GOLGA6B: variants seen among roughly 807,000 people sequenced by gnomAD.
The protein encoded by GOLGA6B is golgin subfamily A member 6B.
In GOLGA6B, 11 loss-of-function variants were observed where a neutral mutation model predicts 63.0. The observed-to-expected ratio is 0.17, with a 90% CI of 0.11 to 0.29. GOLGA6B has a LOEUF of 0.29. GOLGA6B is among the 10% of genes least tolerant of loss of function. The pLI, the probability that GOLGA6B is intolerant of heterozygous loss-of-function variation, is 1.00. For missense variants in GOLGA6B, 134 were observed against 563.8 expected (o/e 0.24, Z 7.72); for synonymous variants, 46 against 232.6 (o/e 0.20, Z 7.30).
Position 72,662,514 on chromosome 15 carries a change from G to T in GOLGA6B, c.1110G>T (p.Gln370His). 6.2e-6 allele frequency: 9 copies of T among 1,454,388 alleles called. No homozygotes were observed. The highest frequency in any genetic ancestry group is 8.5e-6 in the Non-Finnish European group (9 of 1,061,660). The allele number at this position is 1,454,388 out of a possible 1,614,324, so 90.1% of individuals were successfully genotyped here. ...LCEQNERLREQQKTLQEQGER... is the reference protein window; with the variant it reads ...LCEQNERLREHQKTLQEQGER... Reference sequence around the variant, plus strand: ...AACAAAACGAGAGGCTTCGGGAGCAGCAGAAGACGCTACAGGAGCAGGGTG... The same window carrying T: ...AACAAAACGAGAGGCTTCGGGAGCATCAGAAGACGCTACAGGAGCAGGGTG... The change falls in exon 11 of 18, where the codon CAG becomes CAT. Residue 370 changes from glutamine (Q) to histidine (H), a missense_variant. Gln to His is a conservative substitution (Grantham distance 24). Coordinates refer to ENST00000421285, the MANE Select transcript of GOLGA6B (RefSeq NM_018652.5).
chr15:72,664,833 C>A (rs1371411789), intron 13 of GOLGA6B, 111 bp from the exon 14 acceptor site: 15 of 459,838 alleles, frequency 3.3e-5, no homozygotes, highest in Non-Finnish European at 4.8e-5. Context: ...GCTCACTCCC[C>A]TCTGGGGAGA....
chr15:72,664,204 G>T (rs2064618778), intron 12 of GOLGA6B, among the ~76,000 whole-genome samples: 1 of 130,504 alleles, frequency 7.7e-6, no homozygotes, highest in Non-Finnish European at 1.7e-5. Context: ...AGCAGTACGT[G>T]GCCACCTATC....
Position 72,664,430 on chromosome 15 carries a change from C to G in GOLGA6B, c.1426-6C>G. 7.6e-7 allele frequency: 1 copy of G among 1,321,062 alleles called. No individual in the cohort carries two copies. The highest frequency in any genetic ancestry group is 1.0e-6 in the Non-Finnish European group (1 of 961,236). 81.8% of individuals were successfully genotyped at this position (1,321,062 alleles called of 1,614,324 possible). A position where few individuals can be genotyped will look rare whatever the true frequency, so the allele number is the denominator to read the frequency against. ...TGCCTTCTCACTCTGTTTCCCGTCC[C>G]CTTAGGAGCACCTAGAAGCTGCCAG... On this transcript the variant is annotated splice_region_variant and splice_polypyrimidine_tract_variant and intron_variant, in intron 12 of 17. Coordinates refer to ENST00000421285, the MANE Select transcript of GOLGA6B (RefSeq NM_018652.5).
chr15:72,660,578 G>A (rs1374608248), intron 7 of GOLGA6B, among the ~76,000 whole-genome samples: 1 of 103,468 alleles, frequency 9.7e-6, no homozygotes, highest in Non-Finnish European at 2.0e-5. Context: ...TGTAGAGAGA[G>A]GAAAGGGGTG....
intron 12 of GOLGA6B, among the ~76,000 whole-genome samples, chr15:72,664,192 G>C (rs1203923270): frequency 2.3e-5 from 3 of 130,832 alleles, no homozygotes; most frequent in Admixed American, 2.3e-4. Flanking sequence ...TGGGTCACCT[G>C]CAGCAGTACG....
rs769157763 is a variant in GOLGA6B at position 72,664,453 on chromosome 15, C to A, written c.1443C>A (p.Ala481=). ...CCCCTTAGGAGCACCTAGAAGCTGC[C>A]AGCCAGCAGAACCAACAGCTAGAGA... ...EKLDEEHLEA[A]SQQNQQLETQ... is the part of the protein sequence containing the mutation. Residue 481 remains alanine (A), a synonymous_variant, in exon 13 of 18, where the codon GCC becomes GCA. Transcript: ENST00000421285. 7.5e-7 allele frequency: 1 copy of A among 1,328,958 alleles called. No homozygotes were observed. Among genetic ancestry groups the A allele is most frequent in the Admixed American group, 1.9e-5 (1 of 52,620 alleles). The allele number at this position is 1,328,958 out of a possible 1,614,324, so 82.3% of individuals were successfully genotyped here.
chr15:72,664,521 A>G lies in GOLGA6B; in HGVS notation c.1501+10A>G. 7.4e-7 allele frequency: 1 copy of G among 1,347,772 alleles called. No individual in the cohort carries two copies. The highest frequency in any genetic ancestry group is 1.4e-5 in the South Asian group (1 of 70,330). The allele number at this position is 1,347,772 out of a possible 1,614,324, so 83.5% of individuals were successfully genotyped here. On this transcript the variant is annotated intron_variant, in intron 13 of 17. Coordinates refer to ENST00000421285, the MANE Select transcript of GOLGA6B (RefSeq NM_018652.5). Reference sequence around the variant, plus strand: ...GCTCTCCCGGGAGAAGGTACAGGAGACCACTCAGAGGAAGAGGAGAGAGCC... The same window carrying G: ...GCTCTCCCGGGAGAAGGTACAGGAGGCCACTCAGAGGAAGAGGAGAGAGCC...
In GOLGA6B at chr15:72,667,560, G is replaced by C. The variant is rs2064645440; in HGVS notation, c.*1218G>C. ...GGAGCTTCTTTGAGGCTAGAAGATT[G>C]ATTTTATCATCTAGACCTCTCTGGC... On this transcript the variant is annotated 3_prime_UTR_variant, in exon 18 of 18. Coordinates refer to ENST00000421285, the MANE Select transcript of GOLGA6B (RefSeq NM_018652.5). Among the ~76,000 whole-genome samples the C allele has an allele frequency of 6.6e-6, 1 of 151,616 alleles. No homozygotes were observed. Among genetic ancestry groups the C allele is most frequent in the South Asian group, 2.1e-4 (1 of 4,824 alleles).
chr15:72,664,013 G>T (rs1336243023), intron 12 of GOLGA6B, among the ~76,000 whole-genome samples: 1 of 129,776 alleles, frequency 7.7e-6, no homozygotes, highest in African/African-American at 2.7e-5. Context: ...TGGAGCAAGG[G>T]ACCAGGGTCC....
At position 72,664,585 on chromosome 15, in the gene GOLGA6B, G is replaced by C. The variant is rs1294655111; in HGVS notation, c.1501+74G>C. On this transcript the variant is annotated intron_variant, in intron 13 of 17. Coordinates refer to ENST00000421285, the MANE Select transcript of GOLGA6B (RefSeq NM_018652.5). The stretch of plus-strand genomic sequence containing the variant: ...GGGACTGTTAGCAGCATAGGATTGA[G>C]GGGTTGGAAGAGACCTTTAGAACAG... The C allele has an allele frequency of 4.8e-6, 5 of 1,040,218 alleles. No individual in the cohort carries two copies. In the African/African-American group the frequency reaches 8.1e-5, roughly 17 times the overall value. The allele number at this position is 1,040,218 out of a possible 1,614,324, so 64.4% of individuals were successfully genotyped here.
chr15:72,655,845 CTG>C (rs1204843808), intron 1 of GOLGA6B, among the ~76,000 whole-genome samples: 3 of 132,972 alleles, frequency 2.3e-5, no homozygotes, highest in Non-Finnish European at 4.8e-5. Context: ...TCTTGGGAAA[CTG>C]AACTTGACAG....
chr15:72,668,908 A>G lies in GOLGA6B; in HGVS notation c.*2566A>G, dbSNP rs1420257179. Among the ~76,000 whole-genome samples the G allele has an allele frequency of 3.3e-4, 49 of 150,396 alleles. No homozygotes were observed. The highest frequency in any genetic ancestry group is 1.1e-3 in the African/African-American group (46 of 40,828). On this transcript the variant is annotated 3_prime_UTR_variant, in exon 18 of 18. Transcript: ENST00000421285. ...ATAGCATGTAAATCATATAACAACA[A>G]CTTAAGTCTTTCTTCAAAGTGCATG...
chr15:72,664,562 G>A lies in GOLGA6B; in HGVS notation c.1501+51G>A, dbSNP rs2064623145. 11 of 1,173,212 alleles carry A rather than the reference G, an allele frequency of 9.4e-6. 1 individual carries two copies. Among genetic ancestry groups the A allele is most frequent in the Non-Finnish European group, 1.3e-5 (11 of 839,318 alleles). The allele number at this position is 1,173,212 out of a possible 1,614,324, so 72.7% of individuals were successfully genotyped here. ...GGAGAGAGCCCCAGGAGGAAGGGGG[G>A]ACTGTTAGCAGCATAGGATTGAGGG... On this transcript the variant is annotated intron_variant, in intron 13 of 17. Coordinates refer to ENST00000421285, the MANE Select transcript of GOLGA6B (RefSeq NM_018652.5).
At chr15:72,661,005 C>A (rs1410612999) in intron 7 of GOLGA6B, among the ~76,000 whole-genome samples, 1 of 151,462 alleles carries the variant, frequency 6.6e-6, no homozygotes, top group African/African-American at 2.4e-5. Context: ...CACTCCATAA[C>A]GGTTCAAACA....
chr15:72,662,404 G>A lies in GOLGA6B; in HGVS notation c.1000G>A (p.Glu334Lys), dbSNP rs199545027. 748 of 1,396,554 alleles carry A rather than the reference G, an allele frequency of 5.4e-4. 208 individuals carry two copies. The highest frequency in any genetic ancestry group is 6.8e-4 in the Non-Finnish European group (701 of 1,029,114). The allele number at this position is 1,396,554 out of a possible 1,614,324, so 86.5% of individuals were successfully genotyped here. Reference protein sequence around the residue: ...NNQALSLLSKEQKQRLQEQEE... With the variant: ...NNQALSLLSKKQKQRLQEQEE... ...TCAGGCCTTGAGTCTCCTTAGCAAG[G>A]AACAAAAGCAGAGACTCCAGGAGCA... The change falls in exon 11 of 18, where the codon GAA (glutamate) becomes AAA (lysine). Residue 334 changes from glutamate to lysine, a missense_variant. Physicochemically the swap from Glu to Lys is moderately conservative, Grantham distance 56. Transcript: ENST00000421285.
rs201791007 is a variant in GOLGA6B at position 72,662,271 on chromosome 15, G to A, written c.867G>A (p.Ala289=). ...TCTCAGCTAAGCCCCCATCCCTGGCGCCCCCAGCAGTGACCTCTGTGGTGG... is the reference window on the plus strand; with the variant it reads ...TCTCAGCTAAGCCCCCATCCCTGGCACCCCCAGCAGTGACCTCTGTGGTGG... The part of the protein sequence containing the change: ...KNQMAKPPSL[A]PPAVTSVVEQ... The change falls in exon 11 of 18, where the codon GCG becomes GCA. Residue 289 remains alanine (A), a synonymous_variant. Transcript: ENST00000421285. 458 of 1,382,006 alleles carry A rather than the reference G, an allele frequency of 3.3e-4. 115 individuals carry two copies. Among genetic ancestry groups the A allele is most frequent in the Admixed American group, 9.7e-4 (50 of 51,308 alleles). The allele number at this position is 1,382,006 out of a possible 1,614,324, so 85.6% of individuals were successfully genotyped here.
intron 7 of GOLGA6B, among the ~76,000 whole-genome samples, chr15:72,660,571 A>G (rs2064590589): frequency 1.0e-5 from 1 of 99,744 alleles, no homozygotes; most frequent in Admixed American, 9.4e-5. Flanking sequence ...CCATTTCTGT[A>G]GAGAGAGGAA....
At chr15:72,660,634 C>CA (rs2064591096) in intron 7 of GOLGA6B, among the ~76,000 whole-genome samples, 1 of 109,156 alleles carries the variant, frequency 9.2e-6, no homozygotes, top group Admixed American at 8.7e-5. Flanking sequence ...TGATAATATA[C>CA]AAAAACATGT....
intron 13 of GOLGA6B, 94 bp downstream of exon 13, chr15:72,664,605 G>T: frequency 1.1e-6 from 1 of 932,142 alleles, no homozygotes; most frequent in South Asian, 1.7e-5. Context: ...GAGACCTTTA[G>T]AACAGCTGGT....
Sources: gnomAD v4.1 joint callset for allele counts (sites outside exome capture counted in the v4.1 genomes callset) on GRCh38, gnomAD v4.1.1 for gene constraint, MANE v1.5 for transcripts, NCBI Gene and HGNC (gene_info 2026-07-23, HGNC 2026-07-21) for gene names.